The following CPA6 variants were observed in gnomAD, a reference collection of about 807,000 sequenced individuals.
CPA6 encodes the protein carboxypeptidase B.
In CPA6, 58 loss-of-function variants were observed where a neutral mutation model predicts 63.3. That is an observed-to-expected ratio of 0.92 (90% CI 0.74 to 1.14). CPA6 has a LOEUF of 1.14. CPA6 is among the 50% of genes most tolerant of loss of function. The pLI, the probability that CPA6 is intolerant of heterozygous loss-of-function variation, is 0.00. For synonymous variants in CPA6, 185 were observed against 179.0 expected (o/e 1.03, Z -0.27); for missense variants, 565 against 526.6 (o/e 1.07, Z -0.71).
At chr8:67,430,956 G>T (rs1810014020) in intron 9 of CPA6, among the ~76,000 whole-genome samples, 1 of 151,942 alleles carries the variant, frequency 6.6e-6, no homozygotes, top group Non-Finnish European at 1.5e-5. Flanking sequence ...CTGCCTCCTG[G>T]ACTCAAGCAA....
intron 2 of CPA6, among the ~76,000 whole-genome samples, chr8:67,596,727 T>G (rs112427994): frequency 0.023 from 3,446 of 152,328 alleles, 65 homozygotes; most frequent in African/African-American, 0.051. Flanking sequence ...TTCTTTTTCT[T>G]GTCCAGGATT....
intron 1 of CPA6, among the ~76,000 whole-genome samples, chr8:67,710,605 A>G: frequency 6.6e-6 from 1 of 151,994 alleles, no homozygotes; most frequent in East Asian, 1.9e-4. Context: ...CTGTTTTAAT[A>G]TTAATGCTGA....
chr8:67,517,081 C>A (rs1329573838), intron 3 of CPA6, among the ~76,000 whole-genome samples: 3 of 152,106 alleles, frequency 2.0e-5, no homozygotes, highest in Non-Finnish European at 4.4e-5. Context: ...CAGGCGTGAG[C>A]CACCGCACCC....
intron 2 of CPA6, among the ~76,000 whole-genome samples, chr8:67,557,904 C>T (rs541165223): frequency 2.6e-5 from 4 of 152,132 alleles, no homozygotes; most frequent in Non-Finnish European, 5.9e-5. Context: ...CCCTCCCCGT[C>T]CCTAGAGGCA....
chr8:67,600,593 T>G (rs1814470959), intron 2 of CPA6, among the ~76,000 whole-genome samples: 1 of 152,164 alleles, frequency 6.6e-6, no homozygotes, highest in Non-Finnish European at 1.5e-5. Context: ...CAAAACATCT[T>G]GTTGTATATG....
chr8:67,652,766 G>C (rs1046788742), intron 1 of CPA6, among the ~76,000 whole-genome samples: 6 of 151,884 alleles, frequency 4.0e-5, no homozygotes, highest in African/African-American at 9.7e-5. Flanking sequence ...TGTCAATTTT[G>C]GCTTTTGTTG....
At chr8:67,718,808 A>C (rs1817434716) in intron 1 of CPA6, among the ~76,000 whole-genome samples, 1 of 152,048 alleles carries the variant, frequency 6.6e-6, no homozygotes, top group South Asian at 2.1e-4. Flanking sequence ...CACCACACCC[A>C]GCTAATTTTT....
chr8:67,553,402 T>C (rs11774729), intron 2 of CPA6, among the ~76,000 whole-genome samples: 2 of 152,220 alleles, frequency 1.3e-5, no homozygotes, highest in Admixed American at 1.3e-4. Flanking sequence ...AACAATTTTA[T>C]GGTAAAGAGT....
At chr8:67,613,223 C>T (rs1321948671) in intron 2 of CPA6, among the ~76,000 whole-genome samples, 4 of 152,326 alleles carry the variant, frequency 2.6e-5, no homozygotes, top group Non-Finnish European at 2.9e-5. Flanking sequence ...TTTTTATTTA[C>T]ACCTACCATT....
At chr8:67,709,468 CAT>C (rs1817206714) in intron 1 of CPA6, among the ~76,000 whole-genome samples, 3 of 152,176 alleles carry the variant, frequency 2.0e-5, no homozygotes, top group Non-Finnish European at 4.4e-5. Context: ...GCTGCATACT[CAT>C]ATGGTTTTGT....
intron 1 of CPA6, among the ~76,000 whole-genome samples, chr8:67,680,724 A>G (rs1269542500): frequency 6.6e-6 from 1 of 152,176 alleles, no homozygotes; most frequent in Non-Finnish European, 1.5e-5. Flanking sequence ...AACATGTCTA[A>G]TACTCAGTTC....
At chr8:67,571,001 A>G (rs972095137) in intron 2 of CPA6, among the ~76,000 whole-genome samples, 2 of 152,212 alleles carry the variant, frequency 1.3e-5, no homozygotes, top group Non-Finnish European at 2.9e-5. Flanking sequence ...AGGGATGAAA[A>G]AAGATATTTC....
intron 1 of CPA6, among the ~76,000 whole-genome samples, chr8:67,640,122 G>A (rs566577953): frequency 1.3e-5 from 2 of 151,480 alleles, no homozygotes; most frequent in South Asian, 2.1e-4. Context: ...ATGGGTGGGC[G>A]TGGAAAAGGC....
intron 1 of CPA6, among the ~76,000 whole-genome samples, chr8:67,654,365 G>A (rs1440897438): frequency 1.1e-4 from 17 of 152,228 alleles, no homozygotes; most frequent in South Asian, 2.1e-4. Context: ...CTGTGAATCC[G>A]TCTGGTCCTG....
At chr8:67,608,631 C>T (rs1036213222) in intron 2 of CPA6, among the ~76,000 whole-genome samples, 5 of 152,184 alleles carry the variant, frequency 3.3e-5, no homozygotes, top group African/African-American at 1.2e-4. Context: ...GTCACCCTGA[C>T]TCTCCACTGA....
chr8:67,630,248 G>A (rs1255872956), intron 1 of CPA6, among the ~76,000 whole-genome samples: 1 of 151,980 alleles, frequency 6.6e-6, no homozygotes, highest in African/African-American at 2.4e-5. Flanking sequence ...AACTGACTCT[G>A]GATAGGACGC....
At position 67,746,023 on chromosome 8, in the gene CPA6, C is replaced by A. The variant is rs183899632; in HGVS notation, c.107G>T (p.Arg36Leu). 29 of 1,612,470 alleles carry A rather than the reference C, an allele frequency of 1.8e-5. No individual in the cohort carries two copies. The Admixed American group carries it at 3.2e-4, about 18-fold the overall frequency. ...ATGTCGCTCCACTTACCCAGCATAG[C>A]GGTTGTTATAAAGGTGGCTGTGCCC... ...QPGHSHLYNN[R>L]YAGDKVIRFI... Residue 36 changes from arginine to leucine, a missense_variant, in exon 1 of 11, where the codon CGC becomes CTC. Transcript: ENST00000297770.
At chr8:67,512,650 T>G (rs1351747481) in intron 3 of CPA6, among the ~76,000 whole-genome samples, 1 of 152,208 alleles carries the variant, frequency 6.6e-6, no homozygotes, top group Non-Finnish European at 1.5e-5. Context: ...AGCAAAGCAC[T>G]TCAGTCATTT....
intron 6 of CPA6, among the ~76,000 whole-genome samples, chr8:67,489,380 CTA>C: frequency 6.6e-6 from 1 of 152,076 alleles, no homozygotes. Flanking sequence ...TAGTTGCATT[CTA>C]TATGTCTATC....
Sources: gnomAD v4.1 joint callset for allele counts (sites outside exome capture counted in the v4.1 genomes callset) on GRCh38, gnomAD v4.1.1 for gene constraint, MANE v1.5 for transcripts, NCBI Gene and HGNC (gene_info 2026-07-23, HGNC 2026-07-21) for gene names.